The following ADCY7 variants were observed in gnomAD, a reference collection of about 807,000 sequenced individuals.
ADCY7 encodes adenylate cyclase type 7.
In ADCY7, 72 loss-of-function variants were observed where a neutral mutation model predicts 120.6. That is an observed-to-expected ratio of 0.60 (90% CI 0.49 to 0.73). The LOEUF (loss-of-function observed/expected upper bound fraction) is 0.73, where lower values mean the gene tolerates loss of function less well. Among genes scored for constraint, ADCY7 ranks in the 30% least tolerant of loss-of-function variants. The pLI is 0.00. For synonymous variants in ADCY7, 661 were observed against 628.0 expected (o/e 1.05, Z -0.78); for missense variants, 1,227 against 1,486.0 (o/e 0.83, Z 2.87).
chr16:50,276,028 A>G (rs1162874674), intron 1 of ADCY7, among the ~76,000 whole-genome samples: 1 of 152,206 alleles, frequency 6.6e-6, no homozygotes, highest in Non-Finnish European at 1.5e-5. Context: ...AGGCCTGGGT[A>G]CTGTGCCGTC....
chr16:50,305,628 C>A (rs1323586789), intron 13 of ADCY7, 42 bp downstream of exon 13: 1 of 1,551,426 alleles, frequency 6.4e-7, no homozygotes, highest in African/African-American at 1.4e-5. Context: ...TCCTCTCCCC[C>A]TCGGATAGGG....
chr16:50,314,049 G>C lies in ADCY7; in HGVS notation c.2843G>C (p.Gly948Ala), dbSNP rs565559312. The C allele has an allele frequency of 2.3e-4, 366 of 1,614,004 alleles. 1 individual carries two copies. In the South Asian group the frequency reaches 2.8e-3, roughly 12 times the overall value. ...MAAAGLSVAS[G>A]HENQELERQH... is the part of the protein sequence containing the mutation. ...GCTGCAGGGCTCAGCGTCGCCTCAG[G>C]GCACGAGAACCAGGTACTCAAGCCC... Residue 948 changes from glycine (G) to alanine (A), a missense_variant, in exon 23 of 26, where the codon GGG becomes GCG. By Grantham distance (60) the Gly-to-Ala change is moderately conservative (BLOSUM62 0). Coordinates refer to ENST00000673801, the MANE Select transcript of ADCY7 (RefSeq NM_001114.5).
intron 1 of ADCY7, among the ~76,000 whole-genome samples, chr16:50,271,620 C>G (rs1337599268): frequency 6.6e-6 from 1 of 152,194 alleles, no homozygotes; most frequent in Admixed American, 6.5e-5. Context: ...CTTCCCTCCC[C>G]ACTCCCGCCA....
chr16:50,269,144 C>T (rs2033401053), intron 1 of ADCY7, among the ~76,000 whole-genome samples: 1 of 152,248 alleles, frequency 6.6e-6, no homozygotes, highest in Non-Finnish European at 1.5e-5. Context: ...GACCCATTCC[C>T]CACCTCCTCC....
In ADCY7 at chr16:50,314,387, CTCCT is replaced by C. The variant is rs1480402453; in HGVS notation, c.2956_2959del (p.Phe986AlafsTer6). ...ACGGCATCAACAGGCACTCCTTCAA[CTCCT>C]TCCGCCTCCGCGTCGGTGAGCCCGG... On this transcript the variant is annotated frameshift_variant, in exon 24 of 26. Transcript: ENST00000673801. LOFTEE classifies it high-confidence loss of function. The C allele has an allele frequency of 6.2e-7, 1 of 1,613,942 alleles. No homozygotes were observed. Among genetic ancestry groups the C allele is most frequent in the Non-Finnish European group, 8.5e-7 (1 of 1,180,022 alleles).
At position 50,311,807 on chromosome 16, in the gene ADCY7, C is replaced by A. The variant is rs373557711; in HGVS notation, c.2448+21C>A. The A allele has an allele frequency of 1.0e-4, 133 of 1,332,870 alleles. 4 individuals are homozygous for A. Among genetic ancestry groups the A allele is most frequent in the East Asian group, 2.9e-4 (10 of 34,098 alleles). The allele number at this position is 1,332,870 out of a possible 1,614,324, so 82.6% of individuals were successfully genotyped here. A position where few individuals can be genotyped will look rare whatever the true frequency, so the allele number is the denominator to read the frequency against. ...GACAGGTAAGGAGGCTGGCCCCCCC[C>A]CCCCCCCCAAGCTCTGCCCACTTTT... is the stretch of plus-strand genomic sequence containing the variant. On this transcript the variant is annotated intron_variant, in intron 20 of 25. Coordinates refer to ENST00000673801, the MANE Select transcript of ADCY7 (RefSeq NM_001114.5).
At chr16:50,294,618 T>TA in intron 6 of ADCY7, 22 bp from the exon 7 acceptor site, 3 of 809,304 alleles carry the variant, frequency 3.7e-6, no homozygotes, top group Non-Finnish European at 4.3e-6. Context: ...TGACACTCCC[T>TA]CCCACCCTGC....
intron 1 of ADCY7, among the ~76,000 whole-genome samples, chr16:50,272,414 G>T (rs537393219): frequency 5.3e-5 from 8 of 152,160 alleles, no homozygotes; most frequent in Admixed American, 5.2e-4. Flanking sequence ...ACACTGCCTC[G>T]GGCGCAGCTG....
intron 18 of ADCY7, chr16:50,310,467 T>C: frequency 2.0e-6 from 3 of 1,536,258 alleles, no homozygotes; most frequent in Non-Finnish European, 2.6e-6. Context: ...CTGCATACTG[T>C]TTTTTCCCGT....
In ADCY7 at chr16:50,290,554, G is replaced by A. The variant is rs756428068; in HGVS notation, c.269G>A (p.Arg90Gln). ...SVLMYVECLL[R>Q]RWLRALALLT... The stretch of plus-strand genomic sequence containing the variant: ...CTGATGTACGTCGAGTGTCTCCTGC[G>A]GCGCTGGCTCAGGGCCTTGGCGCTG... The change falls in exon 3 of 26, where the codon CGG becomes CAG. Residue 90 changes from arginine (R) to glutamine (Q), a missense_variant. By Grantham distance (43) the Arg-to-Gln change is conservative. Around this residue, in one of 5 missense-constraint regions of ADCY7, gnomAD observed 382 missense variants for 411.4 expected, o/e 0.93. Coordinates refer to ENST00000673801, the MANE Select transcript of ADCY7 (RefSeq NM_001114.5). 1.1e-4 allele frequency: 183 copies of A among 1,614,090 alleles called. No individual in the cohort carries two copies. The highest frequency in any genetic ancestry group is 1.6e-4 in the Middle Eastern group (1 of 6,084).
At chr16:50,308,263 G>T in intron 15 of ADCY7, 64 bp from the exon 16 acceptor site, 1 of 1,613,772 alleles carries the variant, frequency 6.2e-7, no homozygotes, top group Admixed American at 1.7e-5. Flanking sequence ...CCAGAGGATT[G>T]GTGGGGGCGG....
At chr16:50,294,287 A>G (rs559100260) in intron 6 of ADCY7, among the ~76,000 whole-genome samples, 8 of 152,306 alleles carry the variant, frequency 5.3e-5, no homozygotes, top group Admixed American at 3.9e-4. Flanking sequence ...GCCTCTCACC[A>G]GGGAGTTCTG....
chr16:50,310,418 G>T, intron 18 of ADCY7: 1 of 1,528,206 alleles, frequency 6.5e-7, no homozygotes, highest in Non-Finnish European at 8.8e-7. Flanking sequence ...TGCACGCTCC[G>T]GCCTTGACCT....
At chr16:50,279,319 G>A (rs558817738) in intron 1 of ADCY7, among the ~76,000 whole-genome samples, 14 of 152,182 alleles carry the variant, frequency 9.2e-5, no homozygotes, top group Non-Finnish European at 1.5e-4. Context: ...GGTCCCCCAT[G>A]GCCAGCTGGA....
At chr16:50,281,908 A>T (rs2034291486) in intron 1 of ADCY7, among the ~76,000 whole-genome samples, 2 of 152,142 alleles carry the variant, frequency 1.3e-5, no homozygotes, top group Non-Finnish European at 2.9e-5. Flanking sequence ...CAAATGAAAA[A>T]TCTGCCTGAG....
At chr16:50,289,961 C>T (rs2034834201) in intron 2 of ADCY7, among the ~76,000 whole-genome samples, 1 of 152,234 alleles carries the variant, frequency 6.6e-6, no homozygotes, top group African/African-American at 2.4e-5. Context: ...CCACGGACCT[C>T]CCGGATGCTG....
intron 19 of ADCY7, 129 bp downstream of exon 19, chr16:50,311,009 G>A (rs1333582420): frequency 4.1e-6 from 4 of 968,852 alleles, no homozygotes; most frequent in Non-Finnish European, 6.0e-6. Context: ...GGCAGATGGT[G>A]TCCAGCGCTC....
At chr16:50,290,427 G>A (rs747414618) in intron 2 of ADCY7, 30 bp from the exon 3 acceptor site, 9 of 1,612,196 alleles carry the variant, frequency 5.6e-6, no homozygotes, top group Middle Eastern at 1.6e-4. Context: ...GGGGAAAGCC[G>A]AGGCATTCCT....
intron 1 of ADCY7, among the ~76,000 whole-genome samples, chr16:50,247,944 C>T (rs1459734035): frequency 6.6e-6 from 1 of 152,186 alleles, no homozygotes; most frequent in African/African-American, 2.4e-5. Context: ...TGAGCCCTCC[C>T]AGGGAGCCCT....
Sources: allele counts gnomAD v4.1 joint callset (sites outside exome capture counted in the v4.1 genomes callset), GRCh38; gene constraint gnomAD v4.1.1; regional missense constraint gnomAD v4.1.1; transcripts MANE v1.5; gene names NCBI Gene and HGNC (gene_info 2026-07-23, HGNC 2026-07-21).